RABGAP1: variants seen among roughly 807,000 people sequenced by gnomAD.
RABGAP1 encodes rab GTPase-activating protein 1.
A neutral mutation model predicts 137.6 loss-of-function variants in RABGAP1; 23 were observed. That is an observed-to-expected ratio of 0.17 (90% CI 0.12 to 0.24). The LOEUF is 0.24. RABGAP1 is among the 10% of genes least tolerant of loss of function. The pLI is 1.00. For missense variants in RABGAP1, 906 were observed against 1,275.8 expected (o/e 0.71, Z 4.42); for synonymous variants, 451 against 450.7 (o/e 1.00, Z -0.01).
At position 122,957,099 on chromosome 9, in the gene RABGAP1, T is replaced by C; in HGVS notation, c.40T>C (p.Ser14Pro). 1 of 1,546,188 alleles carries C rather than the reference T, an allele frequency of 6.5e-7. No individual in the cohort carries two copies. Among genetic ancestry groups the C allele is most frequent in the Non-Finnish European group, 8.8e-7 (1 of 1,133,204 alleles). The change falls in exon 2 of 26, where the codon TCA (serine) becomes CCA (proline). Residue 14 changes from serine to proline, a missense_variant. Ser to Pro is a moderately conservative substitution (Grantham distance 74, BLOSUM62 -1). Around this residue, in one of 9 missense-constraint regions of RABGAP1, gnomAD observed 331 missense variants for 358.3 expected, o/e 0.92. Coordinates refer to ENST00000373647, the MANE Select transcript of RABGAP1 (RefSeq NM_012197.4). Reference sequence around the variant, plus strand: ...TTCTGTTGGAAAAATCAGTGTCTCTTCAGACTCAGTATCTACTCTTAATAG... The same window carrying C: ...TTCTGTTGGAAAAATCAGTGTCTCTCCAGACTCAGTATCTACTCTTAATAG... Reference protein sequence around the residue: ...KASVGKISVSSDSVSTLNSED... With the variant: ...KASVGKISVSPDSVSTLNSED...
intron 1 of RABGAP1, among the ~76,000 whole-genome samples, chr9:122,945,147 C>CTTTGTTTTTTTTTTTTTTTTTTTT (rs1833873059): frequency 2.6e-5 from 2 of 75,768 alleles, no homozygotes; most frequent in Non-Finnish European, 5.7e-5. Context: ...ATAGCTGTTG[C>CTTTGTTTTTTTTTTTTTTTTTTTT]TTTTTTTTTT....
intron 13 of RABGAP1, among the ~76,000 whole-genome samples, chr9:123,041,847 A>C (rs1224535142): frequency 6.6e-6 from 1 of 152,322 alleles, no homozygotes; most frequent in South Asian, 2.1e-4. Context: ...AAAAACAAGA[A>C]TTGATAGAAG....
chr9:123,024,448 T>C (rs577862592), intron 13 of RABGAP1, among the ~76,000 whole-genome samples: 45 of 151,996 alleles, frequency 3.0e-4, no homozygotes, highest in African/African-American at 9.2e-4. Flanking sequence ...TTTTTTTTTT[T>C]TTTTTGAGAC....
At chr9:123,010,691 T>A (rs1171828549) in intron 11 of RABGAP1, among the ~76,000 whole-genome samples, 163 bp downstream of exon 11, 1 of 152,242 alleles carries the variant, frequency 6.6e-6, no homozygotes, top group African/African-American at 2.4e-5. Flanking sequence ...GATTTAAAAA[T>A]GATTAACATT....
At chr9:123,082,232 A>C (rs1333915755) in intron 19 of RABGAP1, among the ~76,000 whole-genome samples, 1 of 152,090 alleles carries the variant, frequency 6.6e-6, no homozygotes, top group Non-Finnish European at 1.5e-5. Context: ...AGGAGTTTAG[A>C]TCCCCTGCTC....
chr9:122,982,797 A>AG (rs1836148341), intron 2 of RABGAP1, among the ~76,000 whole-genome samples: 1 of 152,104 alleles, frequency 6.6e-6, no homozygotes. Context: ...GTTCCTGGGG[A>AG]GGCTGATGAG....
chr9:123,102,754 C>T (rs2035380254), intron 25 of RABGAP1, among the ~76,000 whole-genome samples: 1 of 151,810 alleles, frequency 6.6e-6, no homozygotes, highest in Non-Finnish European at 1.5e-5. Flanking sequence ...ATTTCAAATG[C>T]CATGCTAGGG....
chr9:122,995,210 T>G (rs562191477), intron 6 of RABGAP1, among the ~76,000 whole-genome samples: 25 of 152,220 alleles, frequency 1.6e-4, no homozygotes, highest in Non-Finnish European at 2.6e-4. Flanking sequence ...TTACACTGGT[T>G]TATAATAAAG....
Position 123,090,403 on chromosome 9 carries a change from G to T in RABGAP1, c.2628+18G>T, listed in dbSNP as rs761342805. On this transcript the variant is annotated intron_variant, in intron 21 of 25. Transcript: ENST00000373647. ...TGGATAACGTAAGTCCAACGGGTCTGAAGGGAAAGATCTCACTGAGACACT... is the reference window on the plus strand; with the variant it reads ...TGGATAACGTAAGTCCAACGGGTCTTAAGGGAAAGATCTCACTGAGACACT... 50 of 1,561,412 alleles carry T rather than the reference G, an allele frequency of 3.2e-5. No homozygotes were observed. The highest frequency in any genetic ancestry group is 4.4e-5 in the Non-Finnish European group (50 of 1,139,072).
intron 13 of RABGAP1, among the ~76,000 whole-genome samples, chr9:123,023,664 C>T (rs562743762): frequency 6.6e-6 from 1 of 152,232 alleles, no homozygotes; most frequent in Admixed American, 6.5e-5. Flanking sequence ...TCGGCTATTA[C>T]AAATGTTTGT....
chr9:123,077,308 C>A (rs1281704458), intron 19 of RABGAP1, among the ~76,000 whole-genome samples: 1 of 151,918 alleles, frequency 6.6e-6, no homozygotes, highest in Non-Finnish European at 1.5e-5. Context: ...TGCCACTACA[C>A]CCAGCTAATT....
intron 10 of RABGAP1, among the ~76,000 whole-genome samples, chr9:123,010,011 C>T (rs2131874799): frequency 6.6e-6 from 1 of 152,274 alleles, no homozygotes; most frequent in East Asian, 1.9e-4. Flanking sequence ...AGATACAGAA[C>T]TGTTAGCTCT....
At chr9:122,972,868 G>T (rs1181058663) in intron 2 of RABGAP1, among the ~76,000 whole-genome samples, 2 of 151,852 alleles carry the variant, frequency 1.3e-5, no homozygotes, top group Non-Finnish European at 2.9e-5. Context: ...GGGCGTGATG[G>T]CTCACACCTG....
intron 13 of RABGAP1, among the ~76,000 whole-genome samples, chr9:123,057,996 G>A (rs1386675408): frequency 7.0e-6 from 1 of 143,742 alleles, no homozygotes; most frequent in Admixed American, 6.9e-5. Context: ...GAGCCGAGAC[G>A]GCAGCAGCAC....
rs56811028 is a variant in RABGAP1, at chr9:123,100,383, A to ATGTGTG, written c.2889+884_2889+889dup. The stretch of plus-strand genomic sequence containing the variant: ...TTCGTCATAATTAATGTTTAACCAG[A>ATGTGTG]TGTGTGTGTGTGTGTGTGTGTGTGT... On this transcript the variant is annotated intron_variant, in intron 24 of 25. Coordinates refer to ENST00000373647, the MANE Select transcript of RABGAP1 (RefSeq NM_012197.4). Among the ~76,000 whole-genome samples, 733 of 136,544 alleles carry ATGTGTG rather than the reference A, an allele frequency of 5.4e-3. 10 individuals are homozygous for ATGTGTG. The highest frequency in any genetic ancestry group is 0.02 in the Admixed American group (276 of 13,908). 89.6% of individuals were successfully genotyped at this position (136,544 alleles called of 152,430 possible).
chr9:122,939,680 G>C (rs1833459962), upstream of RABGAP1: 1 of 152,184 alleles, frequency 6.6e-6, no homozygotes, highest in Admixed American at 6.5e-5. Flanking sequence ...AAGTGGTTTT[G>C]TTGGGAGTTC....
intron 11 of RABGAP1, among the ~76,000 whole-genome samples, chr9:123,012,498 G>A (rs953155794): frequency 6.6e-6 from 1 of 152,186 alleles, no homozygotes; most frequent in Non-Finnish European, 1.5e-5. Flanking sequence ...CCGACTAAAG[G>A]TTCCTCAGGA....
intron 1 of RABGAP1, among the ~76,000 whole-genome samples, chr9:122,948,737 ACTGT>A (rs1834068560): frequency 6.6e-6 from 1 of 152,092 alleles, no homozygotes; most frequent in Non-Finnish European, 1.5e-5. Flanking sequence ...GACTGTGTTA[ACTGT>A]TTTTTGATCA....
chr9:122,996,981 T>G (rs1029314739), intron 8 of RABGAP1: 6 of 560,120 alleles, frequency 1.1e-5, no homozygotes, highest in Non-Finnish European at 2.0e-5. Flanking sequence ...AACTAAAAAT[T>G]ATAATTCACA....
Sources: gnomAD v4.1 joint callset for allele counts (sites outside exome capture counted in the v4.1 genomes callset) on GRCh38, gnomAD v4.1.1 for gene constraint, gnomAD v4.1.1 regional missense constraint, MANE v1.5 for transcripts, NCBI Gene and HGNC (gene_info 2026-07-23, HGNC 2026-07-21) for gene names.